DET1: variants seen among roughly 807,000 people sequenced by gnomAD.
DET1 encodes the protein DET1 homolog.
A neutral mutation model predicts 43.7 loss-of-function variants in DET1; 22 were observed. The ratio of observed to expected loss-of-function variants is 0.50; its 90% CI spans 0.36 to 0.72. The LOEUF is 0.72. Ranked by LOEUF, DET1 falls within the 30% of genes least tolerant of loss-of-function variation. The pLI is 0.00. For synonymous variants in DET1, 315 were observed against 266.2 expected (o/e 1.18, Z -1.79); for missense variants, 713 against 713.3 (o/e 1.00, Z 0.00).
chr15:88,509,258 C>T (rs1393158243), downstream of DET1, among the ~76,000 whole-genome samples: 1 of 152,142 alleles, frequency 6.6e-6, no homozygotes, highest in East Asian at 1.9e-4. Context: ...TCAAGCAATC[C>T]TCCCACCTTG....
At chr15:88,511,311 C>T, downstream of DET1, 1 of 738,248 alleles carries the variant, frequency 1.4e-6, no homozygotes, top group Non-Finnish European at 1.7e-6. Context: ...TCTTCTACTA[C>T]ATAAAACCCT....
chr15:88,536,222 C>T (rs912361988), intron 1 of DET1: 2 of 690,984 alleles, frequency 2.9e-6, no homozygotes, highest in Non-Finnish European at 5.4e-6. Context: ...AGAAATCTTC[C>T]CCAGGCACCT....
At chr15:88,541,555 A>T (rs2057106859) in intron 1 of DET1, among the ~76,000 whole-genome samples, 1 of 151,188 alleles carries the variant, frequency 6.6e-6, no homozygotes, top group Admixed American at 6.6e-5. Flanking sequence ...GTCTGCCTTT[A>T]AAAAGGCAAG....
At chr15:88,515,929 A>G (rs900448919) in intron 4 of DET1, among the ~76,000 whole-genome samples, 1 of 152,206 alleles carries the variant, frequency 6.6e-6, no homozygotes, top group Non-Finnish European at 1.5e-5. Flanking sequence ...AACTTTCCAT[A>G]ATAAAAAAAA....
At chr15:88,510,973 C>T (rs771403005), downstream of DET1, among the ~76,000 whole-genome samples, 37 of 151,874 alleles carry the variant, frequency 2.4e-4, no homozygotes, top group Non-Finnish European at 4.9e-4. Flanking sequence ...AGGGTTTCAC[C>T]GTGTTAGCCA....
intron 1 of DET1, among the ~76,000 whole-genome samples, chr15:88,540,709 G>A (rs369870424): frequency 1.4e-5 from 2 of 145,276 alleles, no homozygotes; most frequent in Admixed American, 6.9e-5. Context: ...TCTGAAACAT[G>A]TGCTGTGTCA....
chr15:88,527,467 A>G, intron 3 of DET1, 132 bp downstream of exon 3: 2 of 746,740 alleles, frequency 2.7e-6, no homozygotes, highest in South Asian at 5.1e-5. Context: ...GGAAGAAACA[A>G]GGGGTTATAA....
At chr15:88,532,091 C>T (rs2056830793) in intron 1 of DET1, among the ~76,000 whole-genome samples, 1 of 152,136 alleles carries the variant, frequency 6.6e-6, no homozygotes, top group South Asian at 2.1e-4. Context: ...CACCTGAGCT[C>T]ACTAGTTCAA....
rs373383306 is a variant in DET1, at chr15:88,540,745, G to A, written c.-11+5795C>T. 6.2e-4 allele frequency among the ~76,000 whole-genome samples: 89 copies of A among 144,356 alleles called. No homozygotes were observed. In the South Asian group the frequency reaches 0.018, roughly 29 times the overall value. 94.7% of individuals were successfully genotyped at this position (144,356 alleles called of 152,430 possible). A position where few individuals can be genotyped will look rare whatever the true frequency, so the allele number is the denominator to read the frequency against. On this transcript the variant is annotated intron_variant, in intron 1 of 4. Coordinates refer to ENST00000268148, the MANE Select transcript of DET1 (RefSeq NM_001144074.3). ...ACTCAGAGTTGAATGGATTAAGGGC[G>A]GTGCAAGATGTGCTTTGTTAAACAG...
In DET1 at chr15:88,512,624, C is replaced by A; in HGVS notation, c.*327G>T. On this transcript the variant is annotated 3_prime_UTR_variant, in exon 5 of 5. Coordinates refer to ENST00000268148, the MANE Select transcript of DET1 (RefSeq NM_001144074.3). Reference sequence around the variant, plus strand: ...GCAAACCATAATGCCGAAGAAGTGACATGAAGGGGATAAAAGTCTAATGCT... The same window carrying A: ...GCAAACCATAATGCCGAAGAAGTGAAATGAAGGGGATAAAAGTCTAATGCT... 9.4e-7 allele frequency: 1 copy of A among 1,064,286 alleles called. No individual in the cohort carries two copies. The highest frequency in any genetic ancestry group is 1.1e-6 in the Non-Finnish European group (1 of 881,146). The allele number at this position is 1,064,286 out of a possible 1,614,324, so 65.9% of individuals were successfully genotyped here.
chr15:88,520,032 T>A (rs1420132587), intron 3 of DET1, among the ~76,000 whole-genome samples: 1 of 152,140 alleles, frequency 6.6e-6, no homozygotes, highest in African/African-American at 2.4e-5. Flanking sequence ...CTACCCAACA[T>A]TTGTACATAT....
intron 1 of DET1, among the ~76,000 whole-genome samples, chr15:88,538,811 T>A (rs978848767): frequency 6.6e-6 from 1 of 152,136 alleles, no homozygotes; most frequent in Non-Finnish European, 1.5e-5. Flanking sequence ...ACCATGTCAG[T>A]GCCTTAAAAT....
Position 88,512,830 on chromosome 15 carries a change from C to G in DET1, c.*121G>C. On this transcript the variant is annotated 3_prime_UTR_variant, in exon 5 of 5. Transcript: ENST00000268148. ...ACTCCTCTCTCTGGCTCTCTCCCAT[C>G]TGAGGTATAGCAGGCTGGAACTAAC... The G allele has an allele frequency of 6.8e-7, 1 of 1,466,162 alleles. No individual in the cohort carries two copies. The highest frequency in any genetic ancestry group is 9.0e-7 in the Non-Finnish European group (1 of 1,107,836). 90.8% of individuals were successfully genotyped at this position (1,466,162 alleles called of 1,614,324 possible).
rs758654675 is a variant in DET1 at position 88,513,151 on chromosome 15, C to A, written c.1464-11G>T. ...TCCCGGGCATAGAACCTAAAAAGAA[C>A]AAGGACAGAGACAGAGAAAGAGGGG... is the stretch of plus-strand genomic sequence containing the variant. On this transcript the variant is annotated splice_polypyrimidine_tract_variant and intron_variant, in intron 4 of 4. Coordinates refer to ENST00000268148, the MANE Select transcript of DET1 (RefSeq NM_001144074.3). The A allele has an allele frequency of 6.2e-7, 1 of 1,600,570 alleles. No homozygotes were observed. Among genetic ancestry groups the A allele is most frequent in the Admixed American group, 1.7e-5 (1 of 57,562 alleles).
chr15:88,509,781 G>A (rs2142247464), downstream of DET1, among the ~76,000 whole-genome samples: 1 of 152,352 alleles, frequency 6.6e-6, no homozygotes, highest in African/African-American at 2.4e-5. Flanking sequence ...TCCCTTGCTT[G>A]TTAAGTGGCC....
In DET1 at chr15:88,512,862, A is replaced by G. The variant is rs2056230035; in HGVS notation, c.*89T>C. 5.8e-6 allele frequency: 9 copies of G among 1,539,494 alleles called. No homozygotes were observed. Among genetic ancestry groups the G allele is most frequent in the Non-Finnish European group, 7.9e-6 (9 of 1,140,244 alleles). Reference sequence around the variant, plus strand: ...ATAGCAGGCTGGAACTAACAGAGCTAGTAGTCGGGAGCTTTTGCTTTGGAG... The same window carrying G: ...ATAGCAGGCTGGAACTAACAGAGCTGGTAGTCGGGAGCTTTTGCTTTGGAG... On this transcript the variant is annotated 3_prime_UTR_variant, in exon 5 of 5. Transcript: ENST00000268148.
intron 1 of DET1, among the ~76,000 whole-genome samples, chr15:88,538,051 G>A (rs1233953990): frequency 6.6e-6 from 1 of 152,190 alleles, no homozygotes; most frequent in Non-Finnish European, 1.5e-5. Context: ...GGTATTTTCA[G>A]AGCCTAGCAC....
chr15:88,546,357 G>A (rs899547121), intron 1 of DET1, 183 bp downstream of exon 1: 5 of 152,384 alleles, frequency 3.3e-5, no homozygotes, highest in Admixed American at 1.3e-4. Context: ...GCCAAGGGGC[G>A]GGCACACATA....
intron 3 of DET1, among the ~76,000 whole-genome samples, chr15:88,519,138 G>A (rs1275119384): frequency 6.6e-6 from 1 of 152,138 alleles, no homozygotes; most frequent in African/African-American, 2.4e-5. Context: ...GCTTTGTGAT[G>A]ACCACAAATC....
Sources: gnomAD v4.1 joint callset for allele counts (sites outside exome capture counted in the v4.1 genomes callset) on GRCh38, gnomAD v4.1.1 for gene constraint, MANE v1.5 for transcripts, NCBI Gene and HGNC (gene_info 2026-07-23, HGNC 2026-07-21) for gene names.